NALF1: variants seen among roughly 807,000 people sequenced by gnomAD.
NALF1 encodes the protein family with sequence similarity 155 member A.
In NALF1, 3 loss-of-function variants were observed where a neutral mutation model predicts 48.4. The ratio of observed to expected loss-of-function variants is 0.06; its 90% confidence interval spans 0.03 to 0.16. The LOEUF is 0.16. Among genes scored for constraint, NALF1 ranks in the 10% least tolerant of loss-of-function variants. The pLI, the probability that NALF1 is intolerant of heterozygous loss-of-function variation, is 1.00. For missense variants in NALF1, 526 were observed against 571.5 expected (o/e 0.92, Z 0.81); for synonymous variants, 262 against 245.7 (o/e 1.07, Z -0.62).
chr13:107,502,661 A>G (rs190403518), intron 1 of NALF1, among the ~76,000 whole-genome samples: 1 of 152,258 alleles, frequency 6.6e-6, no homozygotes, highest in African/African-American at 2.4e-5. Context: ...TTTAAACAAC[A>G]CATTCCAGAT....
intron 1 of NALF1, among the ~76,000 whole-genome samples, chr13:107,710,432 T>C (rs1182232023): frequency 6.6e-6 from 1 of 152,140 alleles, no homozygotes; most frequent in African/African-American, 2.4e-5. Flanking sequence ...GTTTTCACAC[T>C]GCTATAAAGA....
intron 1 of NALF1, among the ~76,000 whole-genome samples, chr13:107,790,480 T>C (rs896162439): frequency 1.3e-5 from 2 of 152,268 alleles, no homozygotes; most frequent in East Asian, 1.9e-4. Flanking sequence ...TAAGTAATCA[T>C]TTACCCATCA....
chr13:107,431,283 TC>T (rs956957299), intron 1 of NALF1, among the ~76,000 whole-genome samples: 79 of 152,284 alleles, frequency 5.2e-4, no homozygotes, highest in African/African-American at 1.8e-3. Flanking sequence ...ATGACACACC[TC>T]CCTGTGCAGC....
intron 1 of NALF1, among the ~76,000 whole-genome samples, chr13:107,655,059 G>T (rs1024322119): frequency 1.2e-4 from 18 of 152,070 alleles, no homozygotes; most frequent in African/African-American, 3.4e-4. Context: ...ATGGGGAAAA[G>T]TTGAAATCAC....
intron 1 of NALF1, among the ~76,000 whole-genome samples, chr13:107,815,302 A>G (rs1219960553): frequency 1.3e-5 from 2 of 150,796 alleles, no homozygotes; most frequent in Non-Finnish European, 3.0e-5. Context: ...AAGAACTCTT[A>G]TAACTCAGTA....
intron 1 of NALF1, among the ~76,000 whole-genome samples, chr13:107,638,513 G>A (rs1417811374): frequency 6.6e-6 from 1 of 151,990 alleles, no homozygotes; most frequent in Non-Finnish European, 1.5e-5. Context: ...CTGCTTGAAG[G>A]AGTCTCATAA....
chr13:107,754,746 A>G (rs1181682717), intron 1 of NALF1, among the ~76,000 whole-genome samples: 1 of 152,162 alleles, frequency 6.6e-6, no homozygotes, highest in African/African-American at 2.4e-5. Flanking sequence ...TAATTTAACA[A>G]GTTTAAAAAG....
At chr13:107,336,412 G>A (rs976277062) in intron 1 of NALF1, among the ~76,000 whole-genome samples, 4 of 151,632 alleles carry the variant, frequency 2.6e-5, no homozygotes, top group East Asian at 1.9e-4. Flanking sequence ...ATATCTTCAC[G>A]AGTAGAAAAA....
At chr13:107,261,996 T>C (rs1050718568) in intron 1 of NALF1, among the ~76,000 whole-genome samples, 4 of 151,710 alleles carry the variant, frequency 2.6e-5, no homozygotes, top group Non-Finnish European at 4.4e-5. Flanking sequence ...ACAAATCACA[T>C]TAATTAATTT....
At position 107,693,076 on chromosome 13, in the gene NALF1, T is replaced by C. The variant is rs565691850; in HGVS notation, c.915+172606A>G. Among the ~76,000 whole-genome samples, 38 of 152,314 alleles carry C rather than the reference T, an allele frequency of 2.5e-4. 1 individual carries two copies. Among genetic ancestry groups the C allele is most frequent in the Non-Finnish European group, 4.4e-4 (30 of 68,026 alleles). On this transcript the variant is annotated intron_variant, in intron 1 of 2. Coordinates refer to ENST00000375915, the MANE Select transcript of NALF1 (RefSeq NM_001080396.3). ...CTAGATCCTTGAGGAATCGCCACAC[T>C]GTCTTCCACAATGGTTGAACTAGTT...
intron 1 of NALF1, among the ~76,000 whole-genome samples, chr13:107,525,460 T>G (rs1283438976): frequency 1.3e-5 from 2 of 152,148 alleles, no homozygotes; most frequent in East Asian, 3.9e-4. Context: ...TCATTTCTTT[T>G]TATTGCTGAC....
intron 1 of NALF1, among the ~76,000 whole-genome samples, chr13:107,682,891 A>G (rs1252268355): frequency 6.6e-6 from 1 of 152,136 alleles, no homozygotes; most frequent in Non-Finnish European, 1.5e-5. Flanking sequence ...TCAAAAGCCT[A>G]TGTTTGTTTT....
intron 1 of NALF1, among the ~76,000 whole-genome samples, chr13:107,260,166 C>T (rs926886218): frequency 6.6e-6 from 1 of 152,124 alleles, no homozygotes; most frequent in African/African-American, 2.4e-5. Context: ...CATGACTAAA[C>T]CTATATCTAA....
intron 1 of NALF1, among the ~76,000 whole-genome samples, chr13:107,515,432 A>G (rs1876024500): frequency 6.6e-6 from 1 of 152,128 alleles, no homozygotes; most frequent in Non-Finnish European, 1.5e-5. Flanking sequence ...TTTACTCCTT[A>G]TAACAACCTG....
chr13:107,343,022 A>G (rs1215522401), intron 1 of NALF1, among the ~76,000 whole-genome samples: 1 of 152,174 alleles, frequency 6.6e-6, no homozygotes, highest in East Asian at 1.9e-4. Context: ...ACTACAACCA[A>G]TTGAACTTAA....
chr13:107,829,842 G>C (rs891898651), intron 1 of NALF1, among the ~76,000 whole-genome samples: 2 of 152,038 alleles, frequency 1.3e-5, no homozygotes, highest in Admixed American at 6.6e-5. Flanking sequence ...GGGTACATAC[G>C]ATTTTTTAAA....
At chr13:107,192,362 A>G (rs953575513) in intron 2 of NALF1, among the ~76,000 whole-genome samples, 1 of 151,940 alleles carries the variant, frequency 6.6e-6, no homozygotes, top group African/African-American at 2.4e-5. Flanking sequence ...CCGCTTACAG[A>G]CTCCCTGGAG....
chr13:107,835,076 C>T (rs917569681), intron 1 of NALF1, among the ~76,000 whole-genome samples: 8 of 152,118 alleles, frequency 5.3e-5, no homozygotes, highest in African/African-American at 1.7e-4. Flanking sequence ...TATGCAATCA[C>T]GTATTGTCCA....
At chr13:107,831,514 C>T (rs59233898) in intron 1 of NALF1, among the ~76,000 whole-genome samples, 34,357 of 151,642 alleles carry the variant, frequency 0.23, 4,924 homozygotes, top group East Asian at 0.51. Context: ...TACAAATAAA[C>T]TATTTTTCTT....
Sources: gnomAD v4.1 joint callset for allele counts (sites outside exome capture counted in the v4.1 genomes callset) on GRCh38, gnomAD v4.1.1 for gene constraint, MANE v1.5 for transcripts, NCBI Gene and HGNC (gene_info 2026-07-23, HGNC 2026-07-21) for gene names.